The following LSM2 variants were observed in gnomAD, a reference collection of about 807,000 sequenced individuals.
LSM2 encodes LSM2 homolog, U6 small nuclear RNA and mRNA degradation associated, also known as U6 snRNA-associated Sm-like protein LSm2.
A neutral mutation model predicts 17.0 loss-of-function variants in LSM2; 12 were observed. The observed-to-expected ratio is 0.70, with a 90% CI of 0.45 to 1.14. The LOEUF is 1.14. LSM2 is among the 50% of genes most tolerant of loss of function. The probability of loss-of-function intolerance (pLI) is 0.00; values close to 1 mark genes in which losing one functional copy is unlikely to be tolerated. For synonymous variants in LSM2, 42 were observed against 44.5 expected (o/e 0.94, Z 0.22); for missense variants, 62 against 111.8 (o/e 0.55, Z 2.01).
intron 2 of LSM2, among the ~76,000 whole-genome samples, chr6:31,800,208 C>G (rs1023022866): frequency 2.0e-5 from 3 of 151,886 alleles, no homozygotes; most frequent in Non-Finnish European, 4.4e-5. Flanking sequence ...TAGTGGCAGA[C>G]GCCTGTAATC....
intron 1 of LSM2, 129 bp downstream of exon 1, chr6:31,806,626 C>T: frequency 1.6e-6 from 2 of 1,221,698 alleles, no homozygotes; most frequent in Non-Finnish European, 2.4e-6. Context: ...ACCTGAGAAA[C>T]AGTACAGTAC....
intron 3 of LSM2, 105 bp downstream of exon 3, chr6:31,798,372 G>A: frequency 3.6e-6 from 5 of 1,404,492 alleles, no homozygotes; most frequent in African/African-American, 2.8e-5. Flanking sequence ...GTGCCTGGCC[G>A]ACGAACACCA....
At position 31,806,946 on chromosome 6, in the gene LSM2, G is replaced by A. The variant is rs1280194982; in HGVS notation, c.-189C>T. 8.7e-6 allele frequency: 6 copies of A among 689,098 alleles called. No homozygotes were observed. Among genetic ancestry groups the A allele is most frequent in the Admixed American group, 6.3e-5 (2 of 31,562 alleles). 42.7% of individuals were successfully genotyped at this position (689,098 alleles called of 1,614,324 possible). The stretch of plus-strand genomic sequence containing the variant: ...GCCGACTTGCGGCTGGGGAGCGCAA[G>A]CTGGGTAGAGTAGAGGGGAGGAGGA... On this transcript the variant is annotated 5_prime_UTR_variant, in exon 1 of 5. Transcript: ENST00000375661.
At chr6:31,803,359 C>T (rs1814827024) in intron 2 of LSM2, among the ~76,000 whole-genome samples, 1 of 152,058 alleles carries the variant, frequency 6.6e-6, no homozygotes, top group Non-Finnish European at 1.5e-5. Context: ...TGAGACTCTG[C>T]CTCTCCAAAT....
At chr6:31,805,439 A>C (rs1012253189) in intron 2 of LSM2, among the ~76,000 whole-genome samples, 1 of 149,686 alleles carries the variant, frequency 6.7e-6, no homozygotes, top group African/African-American at 2.5e-5. Flanking sequence ...ATCTCAGCTC[A>C]CTGCAACCTC....
chr6:31,805,170 T>C (rs1814953371), intron 2 of LSM2, among the ~76,000 whole-genome samples: 2 of 152,018 alleles, frequency 1.3e-5, no homozygotes, highest in African/African-American at 4.8e-5. Flanking sequence ...GTTCAAGTGA[T>C]CCTCCCACCT....
At chr6:31,802,588 C>T (rs1814782207) in intron 2 of LSM2, among the ~76,000 whole-genome samples, 1 of 148,620 alleles carries the variant, frequency 6.7e-6, no homozygotes, top group Non-Finnish European at 1.5e-5. Flanking sequence ...AGACTCGTCT[C>T]AATAAAAAAA....
intron 3 of LSM2, 59 bp from the exon 4 acceptor site, chr6:31,798,108 T>C: frequency 7.2e-7 from 1 of 1,383,756 alleles, no homozygotes; most frequent in Non-Finnish European, 9.6e-7. Context: ...GAGACAAGAG[T>C]TTTGCTCTTG....
rs1041062817 is a variant in LSM2, at chr6:31,798,608, A to G, written c.72-101T>C. On this transcript the variant is annotated intron_variant, in intron 2 of 4. Coordinates refer to ENST00000375661, the MANE Select transcript of LSM2 (RefSeq NM_021177.5). ...ATGAGAACATGACTGGGAGAAGTCA[A>G]GGACTTGAGGATGTCAGAAAAGGTA... 6.0e-6 allele frequency: 8 copies of G among 1,338,478 alleles called. No homozygotes were observed. The Admixed American group carries it at 1.6e-4, about 27-fold the overall frequency. The allele number at this position is 1,338,478 out of a possible 1,614,324, so 82.9% of individuals were successfully genotyped here. A position where few individuals can be genotyped will look rare whatever the true frequency, so the allele number is the denominator to read the frequency against.
At chr6:31,799,654 C>CTT (rs34573382) in intron 2 of LSM2, among the ~76,000 whole-genome samples, 15 of 136,456 alleles carry the variant, frequency 1.1e-4, no homozygotes, top group Admixed American at 1.5e-4. Flanking sequence ...CCATTCCCGA[C>CTT]TTTTTTTTTT....
intron 2 of LSM2, chr6:31,803,043 T>C (rs895966634): frequency 3.9e-5 from 6 of 152,248 alleles, no homozygotes; most frequent in African/African-American, 7.2e-5. Context: ...TCACACCAAA[T>C]TGCCTAAGAC....
chr6:31,805,554 A>T (rs1307058062), intron 2 of LSM2, among the ~76,000 whole-genome samples: 1 of 151,736 alleles, frequency 6.6e-6, no homozygotes, highest in Non-Finnish European at 1.5e-5. Flanking sequence ...TAGTAGAGAC[A>T]GGGTTTCACC....
At chr6:31,798,176 G>A in intron 3 of LSM2, 127 bp from the exon 4 acceptor site, 1 of 934,416 alleles carries the variant, frequency 1.1e-6, no homozygotes, top group Non-Finnish European at 1.5e-6. Context: ...CCGCCTCCTG[G>A]GTTCAAATGA....
intron 1 of LSM2, 22 bp downstream of exon 1, chr6:31,806,733 C>T (rs761014252): frequency 6.2e-7 from 1 of 1,609,754 alleles, no homozygotes; most frequent in South Asian, 1.1e-5. Flanking sequence ...AGGGCGCCCC[C>T]TTTTGACGTC....
chr6:31,798,417 C>A, intron 3 of LSM2, 60 bp downstream of exon 3: 1 of 1,599,048 alleles, frequency 6.3e-7, no homozygotes, highest in Non-Finnish European at 8.6e-7. Context: ...AAGAACCCAA[C>A]CCTTAAGTCT....
intron 2 of LSM2, among the ~76,000 whole-genome samples, chr6:31,805,249 G>T (rs1006308460): frequency 6.7e-6 from 1 of 149,978 alleles, no homozygotes; most frequent in Admixed American, 6.7e-5. Flanking sequence ...AGAAATAGAG[G>T]TCTCATCACT....
Position 31,798,733 on chromosome 6 carries a change from C to CTTTTTTT in LSM2, c.72-233_72-227dup, listed in dbSNP as rs9281580. 4.3e-4 allele frequency among the ~76,000 whole-genome samples: 39 copies of CTTTTTTT among 89,852 alleles called. 1 individual carries two copies. The highest frequency in any genetic ancestry group is 8.2e-4 in the South Asian group (2 of 2,448). The allele number at this position is 89,852 out of a possible 152,430, so 58.9% of individuals were successfully genotyped here. On this transcript the variant is annotated intron_variant, in intron 2 of 4. Transcript: ENST00000375661. ...TCTCCTCTCCCTAAACCAATCCATTCTTTTTTTTTTTTTTTTTTTTTTTGA... is the reference window on the plus strand; with the variant it reads ...TCTCCTCTCCCTAAACCAATCCATTCTTTTTTTTTTTTTTTTTTTTTTTTTTTTTTGA...
At position 31,801,505 on chromosome 6, in the gene LSM2, G is replaced by T. The variant is rs186200013; in HGVS notation, c.72-2998C>A. Among the ~76,000 whole-genome samples the T allele has an allele frequency of 3.9e-5, 6 of 152,208 alleles. No homozygotes were observed. In the East Asian group the frequency reaches 1.2e-3, roughly 29 times the overall value. On this transcript the variant is annotated intron_variant, in intron 2 of 4. Transcript: ENST00000375661. ...GGTCTGACAACAAACATAAGAGAAA[G>T]AACTTTTGGCCAGGCGTGGTGGCTC...
intron 2 of LSM2, among the ~76,000 whole-genome samples, chr6:31,804,295 G>A (rs1364095704): frequency 4.0e-5 from 6 of 151,642 alleles, no homozygotes; most frequent in African/African-American, 1.5e-4. Flanking sequence ...AGGAGGCAGA[G>A]GCTGCAGTGA....
Sources: gnomAD v4.1 joint callset for allele counts (sites outside exome capture counted in the v4.1 genomes callset) on GRCh38, gnomAD v4.1.1 for gene constraint, MANE v1.5 for transcripts, NCBI Gene and HGNC (gene_info 2026-07-23, HGNC 2026-07-21) for gene names.